Variants in DSCAM observed in about 807,000 individuals in gnomAD.
DSCAM encodes DS cell adhesion molecule, also known as cell adhesion molecule DSCAM.
In DSCAM, 47 loss-of-function variants were observed where a neutral mutation model predicts 217.7. That is an observed-to-expected ratio of 0.22 (90% CI 0.17 to 0.28). The LOEUF is 0.28. DSCAM is among the 10% of genes least tolerant of loss of function. DSCAM has a pLI of 1.00. For missense variants in DSCAM, 2,080 were observed against 2,618.3 expected (o/e 0.79, Z 4.49); for synonymous variants, 1,056 against 1,015.3 (o/e 1.04, Z -0.76).
intron 30 of DSCAM, among the ~76,000 whole-genome samples, chr21:40,044,715 G>A (rs1264120456): frequency 2.6e-5 from 4 of 152,138 alleles, no homozygotes; most frequent in African/African-American, 7.2e-5. Flanking sequence ...CTTTGGTTAC[G>A]ATGTTTGCAA....
intron 3 of DSCAM, among the ~76,000 whole-genome samples, chr21:40,599,173 C>T (rs2077043846): frequency 6.6e-6 from 1 of 152,136 alleles, no homozygotes; most frequent in Admixed American, 6.5e-5. Flanking sequence ...CTCAATTGTT[C>T]AATTGTGTCT....
At chr21:40,769,121 C>T (rs557064878) in intron 1 of DSCAM, among the ~76,000 whole-genome samples, 63 of 117,886 alleles carry the variant, frequency 5.3e-4, no homozygotes, top group African/African-American at 2.5e-3. Context: ...ACCCTCTGCT[C>T]TCACTTCCCA....
At chr21:40,121,554 A>T (rs1324933115) in intron 20 of DSCAM, among the ~76,000 whole-genome samples, 3 of 152,060 alleles carry the variant, frequency 2.0e-5, no homozygotes, top group Non-Finnish European at 2.9e-5. Context: ...GAACACAGGC[A>T]CCTGCCCATC....
intron 3 of DSCAM, among the ~76,000 whole-genome samples, chr21:40,408,533 G>A (rs191281250): frequency 5.9e-5 from 9 of 152,222 alleles, no homozygotes; most frequent in African/African-American, 1.4e-4. Flanking sequence ...TTGACAACCT[G>A]AAAATTGAAT....
intron 11 of DSCAM, among the ~76,000 whole-genome samples, chr21:40,275,189 G>T (rs939288227): frequency 6.6e-6 from 1 of 151,786 alleles, no homozygotes; most frequent in Non-Finnish European, 1.5e-5. Flanking sequence ...AAAAAGCTGG[G>T]CTCAGTGGCA....
At chr21:40,713,031 G>T (rs2090799790) in intron 1 of DSCAM, among the ~76,000 whole-genome samples, 1 of 152,152 alleles carries the variant, frequency 6.6e-6, no homozygotes, top group South Asian at 2.1e-4. Context: ...TTGATCAGGG[G>T]AAGCATCAAA....
intron 1 of DSCAM, among the ~76,000 whole-genome samples, chr21:40,838,048 G>A (rs993564526): frequency 1.4e-4 from 21 of 152,258 alleles, no homozygotes; most frequent in Non-Finnish European, 2.4e-4. Context: ...AGTTTCTCTC[G>A]TGAGAAAGTA....
chr21:40,591,225 GC>G (rs905253404), intron 3 of DSCAM, among the ~76,000 whole-genome samples: 6 of 152,154 alleles, frequency 3.9e-5, no homozygotes, highest in South Asian at 2.1e-4. Context: ...GGCTTCCCTA[GC>G]CATGAAGAAC....
intron 3 of DSCAM, among the ~76,000 whole-genome samples, chr21:40,570,989 T>C (rs1414819952): frequency 6.6e-6 from 1 of 151,946 alleles, no homozygotes; most frequent in African/African-American, 2.4e-5. Context: ...GTTAAGGAAA[T>C]ACAGCAAGGT....
intron 8 of DSCAM, among the ~76,000 whole-genome samples, chr21:40,314,953 C>G (rs2074179757): frequency 6.6e-6 from 1 of 152,106 alleles, no homozygotes; most frequent in Non-Finnish European, 1.5e-5. Context: ...TTCTATTTCA[C>G]AAGCCTTTAA....
At chr21:40,624,356 T>A (rs563772107) in intron 3 of DSCAM, among the ~76,000 whole-genome samples, 37 of 152,212 alleles carry the variant, frequency 2.4e-4, no homozygotes, top group African/African-American at 8.0e-4. Context: ...AACTTTTTTT[T>A]AAGAACTGCC....
intron 3 of DSCAM, among the ~76,000 whole-genome samples, chr21:40,407,745 A>G (rs2075290748): frequency 6.6e-6 from 1 of 152,172 alleles, no homozygotes; most frequent in East Asian, 1.9e-4. Context: ...GATTCTTCAG[A>G]CCCAGTCCAG....
At chr21:40,431,491 G>T in intron 3 of DSCAM, among the ~76,000 whole-genome samples, 1 of 152,038 alleles carries the variant, frequency 6.6e-6, no homozygotes, top group East Asian at 1.9e-4. Flanking sequence ...TGAAGACGAT[G>T]AAGACGGAGA....
chr21:40,471,126 C>T (rs2075884862), intron 3 of DSCAM, among the ~76,000 whole-genome samples: 1 of 152,182 alleles, frequency 6.6e-6, no homozygotes, highest in African/African-American at 2.4e-5. Flanking sequence ...AGCTTTCTTT[C>T]TCTAAGGTTT....
Position 40,645,379 on chromosome 21 carries a change from G to A in DSCAM, c.508+47431C>T, listed in dbSNP as rs549478405. Reference sequence around the variant, plus strand: ...TAAATCATGAACCAAGAGTAAAAATGTTTTATTAGAGATGATGATACATAA... The same window carrying A: ...TAAATCATGAACCAAGAGTAAAAATATTTTATTAGAGATGATGATACATAA... On this transcript the variant is annotated intron_variant, in intron 3 of 32. Coordinates refer to ENST00000400454, the MANE Select transcript of DSCAM (RefSeq NM_001389.5). 1.2e-4 allele frequency among the ~76,000 whole-genome samples: 18 copies of A among 152,242 alleles called. No individual in the cohort carries two copies. The South Asian group carries it at 3.7e-3, about 32-fold the overall frequency.
At chr21:40,042,892 G>A (rs1264743898) in intron 31 of DSCAM, among the ~76,000 whole-genome samples, 1 of 152,186 alleles carries the variant, frequency 6.6e-6, no homozygotes, top group African/African-American at 2.4e-5. Flanking sequence ...CAACCAAATT[G>A]CTGTAGTCAG....
intron 3 of DSCAM, among the ~76,000 whole-genome samples, chr21:40,559,171 A>AAAGATAGTTAGTAC (rs11283687): frequency 6.6e-6 from 1 of 151,618 alleles, no homozygotes; most frequent in Non-Finnish European, 1.5e-5. Flanking sequence ...TTCTCCAGTT[A>AAAGATAGTTAGTAC]AAGTAGGCCG....
Position 40,692,844 on chromosome 21 carries a change from G to A in DSCAM, c.474C>T (p.Val158=). Residue 158 remains valine (V), a synonymous_variant, in exon 3 of 33, where the codon GTC becomes GTT. Transcript: ENST00000400454. ...PSSVEAYITV[V]SWEKDTVSLV... The stretch of plus-strand genomic sequence containing the variant: ...GTGAAACAGTGTCTTTCTCCCATGA[G>A]ACGACAGTGATGTACGCCTCCACCG... The A allele has an allele frequency of 1.2e-6, 2 of 1,613,808 alleles. No individual in the cohort carries two copies. The highest frequency in any genetic ancestry group is 2.7e-5 in the African/African-American group (2 of 75,028).
intron 11 of DSCAM, among the ~76,000 whole-genome samples, chr21:40,236,495 G>T (rs1410315059): frequency 1.3e-5 from 2 of 152,010 alleles, no homozygotes; most frequent in Non-Finnish European, 2.9e-5. Context: ...AAATACATGG[G>T]GTAAGGAGCT....
Sources: allele counts gnomAD v4.1 joint callset (sites outside exome capture counted in the v4.1 genomes callset), GRCh38; gene constraint gnomAD v4.1.1; transcripts MANE v1.5; gene names NCBI Gene and HGNC (gene_info 2026-07-23, HGNC 2026-07-21).